CDH20: variants seen among roughly 807,000 people sequenced by gnomAD.
CDH20 encodes cadherin-20.
A neutral mutation model predicts 74.2 loss-of-function variants in CDH20; 29 were observed. That is an observed-to-expected ratio of 0.39 (90% confidence interval 0.29 to 0.53). CDH20 has a LOEUF of 0.53. Ranked by LOEUF, CDH20 falls within the 20% of genes least tolerant of loss-of-function variation. The pLI is 0.69. For missense variants in CDH20, 988 were observed against 1,048.3 expected, an observed-to-expected ratio of 0.94 and a Z score of 0.79; for synonymous variants, 469 against 405.4, an observed-to-expected ratio of 1.16 and a Z score of -1.88.
chr18:61,404,162 C>T (rs1465744909), intron 1 of CDH20, among the ~76,000 whole-genome samples: 1 of 152,146 alleles, frequency 6.6e-6, no homozygotes, highest in African/African-American at 2.4e-5. Flanking sequence ...ACCACCATGG[C>T]ACACCTTTAC....
At chr18:61,387,975 A>C (rs534401984) in intron 1 of CDH20, among the ~76,000 whole-genome samples, 5 of 151,290 alleles carry the variant, frequency 3.3e-5, no homozygotes, top group East Asian at 1.9e-4. Context: ...AAAAAAAAAA[A>C]CCCTTACAAT....
intron 1 of CDH20, among the ~76,000 whole-genome samples, chr18:61,459,584 C>A (rs1909697470): frequency 6.6e-6 from 1 of 152,176 alleles, no homozygotes; most frequent in African/African-American, 2.4e-5. Flanking sequence ...CTCCTTGCTA[C>A]TCAAGATGTG....
chr18:61,351,753 C>T (rs958288704), intron 1 of CDH20, among the ~76,000 whole-genome samples: 2 of 151,948 alleles, frequency 1.3e-5, no homozygotes, highest in African/African-American at 4.8e-5. Flanking sequence ...AACTTGATGT[C>T]TTTCTTTAAA....
intron 6 of CDH20, among the ~76,000 whole-genome samples, chr18:61,510,384 GCTACAGGT>G (rs1297305656): frequency 2.0e-5 from 3 of 152,174 alleles, no homozygotes; most frequent in African/African-American, 7.2e-5. Context: ...GACAAATGCT[GCTACAGGT>G]CAAATAAGAA....
At chr18:61,471,884 G>A (rs1411496659) in intron 1 of CDH20, among the ~76,000 whole-genome samples, 1 of 152,118 alleles carries the variant, frequency 6.6e-6, no homozygotes, top group East Asian at 1.9e-4. Context: ...ACTAAGTAAT[G>A]GTAAGTGAAA....
At chr18:61,421,208 T>C (rs568828210) in intron 1 of CDH20, among the ~76,000 whole-genome samples, 3 of 152,238 alleles carry the variant, frequency 2.0e-5, no homozygotes, top group Middle Eastern at 3.4e-3. Flanking sequence ...TCTAAAATAA[T>C]GTTCGAGAAA....
intron 7 of CDH20, among the ~76,000 whole-genome samples, chr18:61,535,264 T>C (rs1018097174): frequency 2.0e-5 from 3 of 151,680 alleles, no homozygotes; most frequent in African/African-American, 7.3e-5. Flanking sequence ...TACAGTGAGC[T>C]GACATCATGC....
At chr18:61,406,995 A>T (rs1401363339) in intron 1 of CDH20, among the ~76,000 whole-genome samples, 1 of 152,246 alleles carries the variant, frequency 6.6e-6, no homozygotes, top group Admixed American at 6.5e-5. Context: ...AAGACATCTC[A>T]TCCTTTTACC....
intron 1 of CDH20, among the ~76,000 whole-genome samples, chr18:61,363,445 G>T (rs1251618785): frequency 1.3e-5 from 2 of 152,124 alleles, no homozygotes; most frequent in African/African-American, 4.8e-5. Flanking sequence ...GGGGGAAAAA[G>T]TATCTCTCAT....
chr18:61,466,222 A>G (rs544259570), intron 1 of CDH20, among the ~76,000 whole-genome samples: 2 of 152,138 alleles, frequency 1.3e-5, no homozygotes, highest in Non-Finnish European at 2.9e-5. Context: ...TACAAAAGGT[A>G]AATAATTCCA....
chr18:61,396,202 G>A (rs187585833), intron 1 of CDH20, among the ~76,000 whole-genome samples: 1 of 152,174 alleles, frequency 6.6e-6, no homozygotes, highest in African/African-American at 2.4e-5. Flanking sequence ...TCTCTCTCTA[G>A]CAGCTGCTGC....
intron 11 of CDH20, among the ~76,000 whole-genome samples, chr18:61,552,966 C>T (rs541612841): frequency 6.6e-6 from 1 of 152,224 alleles, no homozygotes; most frequent in South Asian, 2.1e-4. Flanking sequence ...TTTCAGTCCA[C>T]GCCTCGTATT....
chr18:61,450,521 C>G (rs1346893775), intron 1 of CDH20, among the ~76,000 whole-genome samples: 1 of 151,890 alleles, frequency 6.6e-6, no homozygotes, highest in Non-Finnish European at 1.5e-5. Context: ...GAACATTCTT[C>G]AACTATGAAA....
chr18:61,438,433 G>A (rs931581634), intron 1 of CDH20, among the ~76,000 whole-genome samples: 21 of 152,210 alleles, frequency 1.4e-4, no homozygotes, highest in Admixed American at 3.9e-4. Context: ...TTTGATACAG[G>A]AAGACAGACA....
intron 6 of CDH20, among the ~76,000 whole-genome samples, chr18:61,526,019 T>C (rs938289224): frequency 7.0e-6 from 1 of 143,868 alleles, no homozygotes; most frequent in South Asian, 2.3e-4. Context: ...TTAGGTTGTC[T>C]TGGCTGGTCT....
Position 61,513,544 on chromosome 18 carries a change from G to T in CDH20, c.1017+5984G>T, listed in dbSNP as rs1053367896. 2.0e-5 allele frequency among the ~76,000 whole-genome samples: 3 copies of T among 148,030 alleles called. No individual in the cohort carries two copies. The South Asian group carries it at 6.6e-4, about 33-fold the overall frequency. Reference sequence around the variant, plus strand: ...TGTGTGAATTTGATCCTGCCATTACGATGTTAGCTGGTTATTTTGCTCGTT... The same window carrying T: ...TGTGTGAATTTGATCCTGCCATTACTATGTTAGCTGGTTATTTTGCTCGTT... On this transcript the variant is annotated intron_variant, in intron 6 of 11. Coordinates refer to ENST00000262717, the MANE Select transcript of CDH20 (RefSeq NM_031891.4).
chr18:61,428,921 T>C (rs751382471), intron 1 of CDH20, among the ~76,000 whole-genome samples: 1 of 152,188 alleles, frequency 6.6e-6, no homozygotes, highest in Non-Finnish European at 1.5e-5. Flanking sequence ...ATGCCAAGGC[T>C]CAACCATATG....
intron 1 of CDH20, among the ~76,000 whole-genome samples, chr18:61,439,837 G>A (rs1463772622): frequency 1.3e-5 from 2 of 152,128 alleles, no homozygotes; most frequent in Admixed American, 6.6e-5. Context: ...AAAAACTGGA[G>A]TCAGGTGAGT....
intron 1 of CDH20, among the ~76,000 whole-genome samples, chr18:61,339,762 ACT>A (rs950612367): frequency 7.7e-6 from 1 of 129,190 alleles, no homozygotes; most frequent in African/African-American, 2.9e-5. Context: ...ATCTTGGCTC[ACT>A]GCAAGCTCCG....
Sources: allele counts gnomAD v4.1 joint callset (sites outside exome capture counted in the v4.1 genomes callset), GRCh38; gene constraint gnomAD v4.1.1; transcripts MANE v1.5; gene names NCBI Gene and HGNC (gene_info 2026-07-23, HGNC 2026-07-21).